Variants in INPP4B observed in about 807,000 individuals in gnomAD.
INPP4B encodes inositol polyphosphate-4-phosphatase type II B.
A neutral mutation model predicts 122.5 loss-of-function variants in INPP4B; 55 were observed. The observed-to-expected ratio is 0.45, with a 90% CI of 0.36 to 0.56. The LOEUF (loss-of-function observed/expected upper bound fraction) is 0.56, where lower values mean the gene tolerates loss of function less well. INPP4B is among the 20% of genes least tolerant of loss of function. The probability of loss-of-function intolerance (pLI) is 0.00; values close to 1 mark genes in which losing one functional copy is unlikely to be tolerated. For synonymous variants in INPP4B, 403 were observed against 388.7 expected, an observed-to-expected ratio of 1.04 and a Z score of -0.43; for missense variants, 1,000 against 1,097.7, an observed-to-expected ratio of 0.91 and a Z score of 1.26.
At chr4:142,619,080 C>T (rs957111334) in intron 2 of INPP4B, among the ~76,000 whole-genome samples, 3 of 151,224 alleles carry the variant, frequency 2.0e-5, no homozygotes, top group Admixed American at 6.6e-5. Context: ...TCGAAAAAGA[C>T]GAAATAAGAA....
At chr4:142,374,050 G>T (rs1485478623) in intron 7 of INPP4B, among the ~76,000 whole-genome samples, 1 of 151,928 alleles carries the variant, frequency 6.6e-6, no homozygotes, top group East Asian at 1.9e-4. Context: ...GAGTGTGAAT[G>T]AACATGCAGA....
intron 15 of INPP4B, among the ~76,000 whole-genome samples, chr4:142,189,955 T>C (rs192375820): frequency 3.2e-4 from 48 of 152,322 alleles, no homozygotes; most frequent in Non-Finnish European, 5.0e-4. Context: ...ATGACCTGAA[T>C]TGCTTTATAT....
intron 25 of INPP4B, among the ~76,000 whole-genome samples, chr4:142,058,025 C>A (rs1235522919): frequency 6.6e-6 from 1 of 151,966 alleles, no homozygotes; most frequent in Non-Finnish European, 1.5e-5. Flanking sequence ...CCTACTATAC[C>A]GGAGTTAGCT....
In INPP4B at chr4:142,713,562, T is replaced by C. The variant is rs550230882; in HGVS notation, c.-191+12277A>G. The stretch of plus-strand genomic sequence containing the variant: ...ATACTTACTCAAAGAGAAAAGGAAG[T>C]GATTGAACATTCTCTGAAAGTCACA... On this transcript the variant is annotated intron_variant, in intron 2 of 25. Transcript: ENST00000262992. Among the ~76,000 whole-genome samples, 21 of 152,324 alleles carry C rather than the reference T, an allele frequency of 1.4e-4. No homozygotes were observed. The East Asian group carries it at 4.1e-3, about 29-fold the overall frequency.
intron 7 of INPP4B, among the ~76,000 whole-genome samples, chr4:142,350,404 A>G (rs916408938): frequency 9.9e-5 from 15 of 151,910 alleles, no homozygotes; most frequent in Non-Finnish European, 2.9e-5. Flanking sequence ...CATTCTTCCA[A>G]TTATTTTCTT....
chr4:142,610,743 T>G (rs564714803), intron 2 of INPP4B, among the ~76,000 whole-genome samples: 1 of 152,142 alleles, frequency 6.6e-6, no homozygotes, highest in Non-Finnish European at 1.5e-5. Context: ...CTTATTACCC[T>G]GAGAATATTT....
intron 18 of INPP4B, among the ~76,000 whole-genome samples, chr4:142,144,971 T>A (rs934644926): frequency 6.6e-6 from 1 of 152,052 alleles, no homozygotes; most frequent in East Asian, 1.9e-4. Flanking sequence ...TAGGGTAGTA[T>A]TGCTTATTCT....
At chr4:142,587,347 T>C (rs1736440968) in intron 2 of INPP4B, among the ~76,000 whole-genome samples, 1 of 152,092 alleles carries the variant, frequency 6.6e-6, no homozygotes, top group Non-Finnish European at 1.5e-5. Context: ...CTTACCTGGG[T>C]TGTAGTGATT....
intron 2 of INPP4B, among the ~76,000 whole-genome samples, chr4:142,628,987 T>C (rs1298552822): frequency 1.3e-5 from 2 of 152,134 alleles, no homozygotes; most frequent in African/African-American, 2.4e-5. Context: ...TATTTATTCT[T>C]CTCTATTCTC....
intron 2 of INPP4B, among the ~76,000 whole-genome samples, chr4:142,681,196 GC>G (rs1313399094): frequency 1.3e-5 from 2 of 151,672 alleles, no homozygotes; most frequent in East Asian, 3.9e-4. Context: ...TAATTGCATG[GC>G]CCTTTAAACA....
At chr4:142,588,693 G>A (rs985206109) in intron 2 of INPP4B, among the ~76,000 whole-genome samples, 1 of 151,454 alleles carries the variant, frequency 6.6e-6, no homozygotes, top group Non-Finnish European at 1.5e-5. Context: ...AATCCAAGAA[G>A]TTCTAAATAA....
intron 7 of INPP4B, among the ~76,000 whole-genome samples, chr4:142,350,316 T>C (rs1296847471): frequency 3.3e-5 from 5 of 151,982 alleles, no homozygotes; most frequent in African/African-American, 4.8e-5. Context: ...CATGTTGCAG[T>C]TGTCACTTCT....
chr4:142,100,494 G>A (rs1578898004), intron 23 of INPP4B, among the ~76,000 whole-genome samples: 1 of 152,120 alleles, frequency 6.6e-6, no homozygotes, highest in South Asian at 2.1e-4. Flanking sequence ...AACTCTTGGT[G>A]ACTTGACTTC....
intron 12 of INPP4B, among the ~76,000 whole-genome samples, chr4:142,235,421 ATTAT>A (rs1856262271): frequency 6.6e-6 from 1 of 151,612 alleles, no homozygotes; most frequent in Non-Finnish European, 1.5e-5. Flanking sequence ...ATGACATGTC[ATTAT>A]TTATTTATTT....
chr4:142,637,335 C>T (rs1051332521), intron 2 of INPP4B, among the ~76,000 whole-genome samples: 1 of 152,136 alleles, frequency 6.6e-6, no homozygotes, highest in African/African-American at 2.4e-5. Context: ...AAAAAATTGT[C>T]TATGTCATGC....
In INPP4B at chr4:142,102,925, A is replaced by G. The variant is rs148461823; in HGVS notation, c.2374+5168T>C. 2.1e-3 allele frequency among the ~76,000 whole-genome samples: 314 copies of G among 152,238 alleles called. 1 individual carries two copies. The highest frequency in any genetic ancestry group is 7.1e-3 in the African/African-American group (293 of 41,560). Reference sequence around the variant, plus strand: ...ACCACCTTGGAAAAATAAAGACTCAAGAAAAACTCTCTCACTTGATTCTAT... The same window carrying G: ...ACCACCTTGGAAAAATAAAGACTCAGGAAAAACTCTCTCACTTGATTCTAT... On this transcript the variant is annotated intron_variant, in intron 23 of 25. Coordinates refer to ENST00000262992, the MANE Select transcript of INPP4B (RefSeq NM_001101669.3).
At chr4:142,166,940 G>A (rs533004319) in intron 16 of INPP4B, among the ~76,000 whole-genome samples, 1 of 151,880 alleles carries the variant, frequency 6.6e-6, no homozygotes, top group South Asian at 2.1e-4. Flanking sequence ...TACCGTTGGA[G>A]GGAATGTAAA....
rs1308758950 is a variant in INPP4B, at chr4:142,048,295, C to A, written c.2643-19381G>T. ...AACTGCAGATTATAGTACTTGCACA[C>A]ATGGCCTTACAGAATATGTAGGACA... On this transcript the variant is annotated intron_variant, in intron 25 of 25. Transcript: ENST00000262992. Among the ~76,000 whole-genome samples the A allele has an allele frequency of 5.3e-5, 8 of 152,246 alleles. No individual in the cohort carries two copies. In the East Asian group the frequency reaches 1.4e-3, roughly 26 times the overall value.
chr4:142,369,615 T>A (rs941187868), intron 7 of INPP4B, among the ~76,000 whole-genome samples: 8 of 143,526 alleles, frequency 5.6e-5, no homozygotes, highest in Admixed American at 2.8e-4. Flanking sequence ...AATAAATAAA[T>A]AAAAATAAAA....
Sources: gnomAD v4.1 joint callset for allele counts (sites outside exome capture counted in the v4.1 genomes callset) on GRCh38, gnomAD v4.1.1 for gene constraint, MANE v1.5 for transcripts, NCBI Gene and HGNC (gene_info 2026-07-23, HGNC 2026-07-21) for gene names.